Variants in CNBD1 observed in about 807,000 individuals in gnomAD.
The protein encoded by CNBD1 is cyclic nucleotide-binding domain-containing protein 1.
Under a neutral mutation model 54.4 loss-of-function variants are expected in CNBD1, and 71 were observed. That is an observed-to-expected ratio of 1.30 (90% CI 1.08 to 1.59). CNBD1 has a LOEUF of 1.59. CNBD1 is among the 40% of genes most tolerant of loss of function. The pLI, the probability that CNBD1 is intolerant of heterozygous loss-of-function variation, is 0.00. For missense variants in CNBD1, 659 were observed against 518.0 expected, an observed-to-expected ratio of 1.27 and a Z score of -2.64; for synonymous variants, 182 against 170.7, an observed-to-expected ratio of 1.07 and a Z score of -0.51.
chr8:86,999,485 G>C (rs1808948667), intron 4 of CNBD1, among the ~76,000 whole-genome samples: 1 of 151,350 alleles, frequency 6.6e-6, no homozygotes. Flanking sequence ...ATTCCAGATA[G>C]TTCTCTTGGC....
chr8:87,106,659 T>G (rs1485359920), intron 4 of CNBD1, among the ~76,000 whole-genome samples: 1 of 152,188 alleles, frequency 6.6e-6, no homozygotes, highest in Non-Finnish European at 1.5e-5. Context: ...TTTGGTTCCC[T>G]CCTTCCTATC....
chr8:87,005,312 G>C (rs1168643241), intron 4 of CNBD1, among the ~76,000 whole-genome samples: 1 of 151,900 alleles, frequency 6.6e-6, no homozygotes, highest in Non-Finnish European at 1.5e-5. Context: ...AGAGCTTGCG[G>C]TGAGCTGAGA....
At chr8:87,290,415 ATATAT>A (rs1462941362) in intron 8 of CNBD1, among the ~76,000 whole-genome samples, 24 of 152,074 alleles carry the variant, frequency 1.6e-4, no homozygotes, top group African/African-American at 2.2e-4. Context: ...CTATTGGCAA[ATATAT>A]TATATTTCTA....
intron 5 of CNBD1, among the ~76,000 whole-genome samples, chr8:87,211,544 T>C (rs1814098609): frequency 6.6e-6 from 1 of 152,198 alleles, no homozygotes. Flanking sequence ...CCCTTGTGAC[T>C]TGGTACTGTC....
chr8:87,252,181 G>A lies in CNBD1; in HGVS notation c.771+15069G>A, dbSNP rs112559189. Among the ~76,000 whole-genome samples, 900 of 152,168 alleles carry A rather than the reference G, an allele frequency of 5.9e-3. 6 individuals carry two copies. The highest frequency in any genetic ancestry group is 0.023 in the South Asian group (111 of 4,828). On this transcript the variant is annotated intron_variant, in intron 6 of 10. Transcript: ENST00000518476. The stretch of plus-strand genomic sequence containing the variant: ...TAAATATGGTTCAACAGTGGTCCAA[G>A]ATATACTAAATCTTACATCAGAAAA...
At chr8:87,400,498 GC>G (rs1448771233) in intron 2 of CNBD1, among the ~76,000 whole-genome samples, 6 of 151,958 alleles carry the variant, frequency 3.9e-5, no homozygotes, top group Admixed American at 2.6e-4. Context: ...AAAAATGTCA[GC>G]ATGTGGCAGT....
At chr8:87,038,495 C>A (rs951245908) in intron 4 of CNBD1, among the ~76,000 whole-genome samples, 3 of 152,210 alleles carry the variant, frequency 2.0e-5, no homozygotes, top group Admixed American at 2.0e-4. Flanking sequence ...CTGGGTGAAG[C>A]CATCTCTCCA....
At chr8:87,093,129 TG>T (rs1811250810) in intron 4 of CNBD1, among the ~76,000 whole-genome samples, 1 of 152,226 alleles carries the variant, frequency 6.6e-6, no homozygotes, top group South Asian at 2.1e-4. Context: ...TGTGAACTCT[TG>T]GCAACTTATT....
chr8:86,972,737 TG>T (rs1403998893), intron 4 of CNBD1, among the ~76,000 whole-genome samples: 1 of 152,200 alleles, frequency 6.6e-6, no homozygotes, highest in Non-Finnish European at 1.5e-5. Context: ...TTTAATACAA[TG>T]GAAGACACCA....
chr8:87,344,071 G>T (rs1236082632), intron 8 of CNBD1, among the ~76,000 whole-genome samples: 4 of 152,064 alleles, frequency 2.6e-5, no homozygotes, highest in Admixed American at 6.6e-5. Flanking sequence ...CAGAGGAAGT[G>T]TCATAAATCA....
intron 3 of CNBD1, among the ~76,000 whole-genome samples, chr8:86,935,929 T>C (rs1809539157): frequency 6.6e-6 from 1 of 152,024 alleles, no homozygotes; most frequent in Non-Finnish European, 1.5e-5. Context: ...GTGGATCACT[T>C]TGAGCTCAGG....
chr8:87,398,733 G>A (rs1454290935), intron 2 of CNBD1, among the ~76,000 whole-genome samples: 4 of 151,922 alleles, frequency 2.6e-5, no homozygotes, highest in African/African-American at 7.2e-5. Flanking sequence ...AATTCACCAT[G>A]CCTCCCATGC....
At chr8:87,065,859 G>A (rs897265420) in intron 4 of CNBD1, among the ~76,000 whole-genome samples, 1 of 151,936 alleles carries the variant, frequency 6.6e-6, no homozygotes, top group African/African-American at 2.4e-5. Flanking sequence ...CCAGTTCACT[G>A]TAGCTCTAAA....
At chr8:87,147,326 C>G (rs1812511063) in intron 4 of CNBD1, among the ~76,000 whole-genome samples, 1 of 152,112 alleles carries the variant, frequency 6.6e-6, no homozygotes, top group African/African-American at 2.4e-5. Flanking sequence ...CACTATTTTT[C>G]ACACAAGCCA....
intron 4 of CNBD1, among the ~76,000 whole-genome samples, chr8:86,997,821 T>C (rs1808909040): frequency 6.6e-6 from 1 of 152,162 alleles, no homozygotes. Context: ...GTTCTTTTAG[T>C]AGGGCCTAAT....
intron 3 of CNBD1, among the ~76,000 whole-genome samples, chr8:86,920,371 C>T (rs1586135172): frequency 1.3e-5 from 2 of 152,064 alleles, no homozygotes; most frequent in African/African-American, 4.8e-5. Context: ...TAGGAGTTTC[C>T]AGGCTTGTAA....
intron 4 of CNBD1, among the ~76,000 whole-genome samples, chr8:87,043,059 T>C (rs571872468): frequency 6.6e-6 from 1 of 152,334 alleles, no homozygotes; most frequent in Admixed American, 6.5e-5. Context: ...TATGAAGATA[T>C]GTTGCAATGC....
chr8:87,151,469 G>C (rs995534118), intron 4 of CNBD1, among the ~76,000 whole-genome samples: 1 of 152,156 alleles, frequency 6.6e-6, no homozygotes, highest in African/African-American at 2.4e-5. Context: ...CAAGTATATA[G>C]TATGTAGATG....
At chr8:87,363,310 A>C (rs114072448) in intron 10 of CNBD1, among the ~76,000 whole-genome samples, 603 of 152,172 alleles carry the variant, frequency 4.0e-3, no homozygotes, top group African/African-American at 0.014. Flanking sequence ...AACATACTAC[A>C]TGTGCATGTG....
Sources: gnomAD v4.1 joint callset for allele counts (sites outside exome capture counted in the v4.1 genomes callset) on GRCh38, gnomAD v4.1.1 for gene constraint, MANE v1.5 for transcripts, NCBI Gene and HGNC (gene_info 2026-07-23, HGNC 2026-07-21) for gene names.